The following GALK2 variants were observed in gnomAD, a reference collection of about 807,000 sequenced individuals.
GALK2 encodes the protein N-acetylgalactosamine kinase.
GALK2 carries 36 observed loss-of-function variants against 52.4 expected under a neutral mutation model. The observed-to-expected ratio is 0.69, with a 90% confidence interval of 0.53 to 0.91. GALK2 has a LOEUF of 0.91. Ranked by LOEUF, GALK2 falls within the 40% of genes least tolerant of loss-of-function variation. The pLI is 0.00. For missense variants in GALK2, 579 were observed against 559.1 expected, an observed-to-expected ratio of 1.04 and a Z score of -0.36; for synonymous variants, 176 against 199.1, an observed-to-expected ratio of 0.88 and a Z score of 0.98.
intron 1 of GALK2, among the ~76,000 whole-genome samples, chr15:49,189,412 G>A (rs1345991773): frequency 6.6e-6 from 1 of 152,070 alleles, no homozygotes; most frequent in Non-Finnish European, 1.5e-5. Context: ...TACGTTGGTG[G>A]ATACATCCCA....
upstream of GALK2, among the ~76,000 whole-genome samples, chr15:49,168,380 A>G (rs2084891979): frequency 6.6e-6 from 1 of 152,076 alleles, no homozygotes; most frequent in Non-Finnish European, 1.5e-5. Context: ...AAAATTTGTT[A>G]TTTTTCAACT....
Position 49,287,911 on chromosome 15 carries a change from C to A in GALK2, c.756+4193C>A, listed in dbSNP as rs142395349. Reference sequence around the variant, plus strand: ...TGTTTTGCATTAATGCTAGCAATTTCTTCTATTCTCAACTTCTTTCTCATC... The same window carrying A: ...TGTTTTGCATTAATGCTAGCAATTTATTCTATTCTCAACTTCTTTCTCATC... On this transcript the variant is annotated intron_variant, in intron 7 of 9. Transcript: ENST00000560031. 3.3e-4 allele frequency among the ~76,000 whole-genome samples: 50 copies of A among 151,876 alleles called. 1 individual carries two copies. In the East Asian group the frequency reaches 9.1e-3, roughly 28 times the overall value.
intron 1 of GALK2, among the ~76,000 whole-genome samples, chr15:49,163,662 T>C (rs1201527910): frequency 6.6e-6 from 1 of 152,258 alleles, no homozygotes; most frequent in African/African-American, 2.4e-5. Flanking sequence ...TTTGATCCTT[T>C]TAAAATATAT....
rs529165349 is a variant in GALK2, at chr15:49,354,582, G to A, written c.427-12909G>A. Among the ~76,000 whole-genome samples the A allele has an allele frequency of 2.0e-5, 3 of 152,320 alleles. No individual in the cohort carries two copies. The South Asian group carries it at 6.2e-4, about 32-fold the overall frequency. ...ACCACGAGATTATATCCCGCACCTG[G>A]CTGGAAGGGTCCTACGCCCACGGAG... On this transcript the variant is annotated intron_variant, in intron 3 of 3. Transcript: ENST00000558399.
upstream of GALK2, among the ~76,000 whole-genome samples, chr15:49,168,179 C>G (rs2084884372): frequency 6.6e-6 from 1 of 152,200 alleles, no homozygotes; most frequent in South Asian, 2.1e-4. Context: ...TTTGTTGAGA[C>G]TGCAATAGCA....
intron 1 of GALK2, among the ~76,000 whole-genome samples, chr15:49,192,025 A>G (rs1358140654): frequency 1.3e-5 from 2 of 151,842 alleles, no homozygotes; most frequent in African/African-American, 4.8e-5. Context: ...CAATTGTTTC[A>G]GGGTCAGATT....
chr15:49,307,885 G>A (rs1253920595), intron 8 of GALK2, among the ~76,000 whole-genome samples: 1 of 152,094 alleles, frequency 6.6e-6, no homozygotes. Flanking sequence ...TCATCAGCGA[G>A]TTTGCTTTTA....
intron 5 of GALK2, among the ~76,000 whole-genome samples, chr15:49,248,871 A>C (rs16962196): frequency 0.06 from 9,178 of 152,178 alleles, 555 homozygotes; most frequent in African/African-American, 0.15. Flanking sequence ...AGGGAACAGC[A>C]GATTTGAGGA....
Position 49,289,337 on chromosome 15 carries a change from A to G in GALK2, c.757-2990A>G, listed in dbSNP as rs532266700. Among the ~76,000 whole-genome samples the G allele has an allele frequency of 5.9e-5, 9 of 152,288 alleles. No individual in the cohort carries two copies. In the East Asian group the frequency reaches 1.7e-3, roughly 29 times the overall value. Reference sequence around the variant, plus strand: ...GCTTCAAGGTGCAATGGTTGGTGAAAAGCATAGTGCTGCCATTGATAGGTT... The same window carrying G: ...GCTTCAAGGTGCAATGGTTGGTGAAGAGCATAGTGCTGCCATTGATAGGTT... On this transcript the variant is annotated intron_variant, in intron 7 of 9. Coordinates refer to ENST00000560031, the MANE Select transcript of GALK2 (RefSeq NM_002044.4).
At chr15:49,306,924 C>T (rs1428089626) in intron 8 of GALK2, among the ~76,000 whole-genome samples, 2 of 152,130 alleles carry the variant, frequency 1.3e-5, no homozygotes, top group Non-Finnish European at 2.9e-5. Flanking sequence ...TATTGAGAAC[C>T]TGCCATATTC....
chr15:49,361,156 C>A (rs2044158315), intron 3 of GALK2, among the ~76,000 whole-genome samples: 1 of 152,052 alleles, frequency 6.6e-6, no homozygotes, highest in African/African-American at 2.4e-5. Flanking sequence ...CATAACATCA[C>A]TTTTTACCCC....
At chr15:49,360,424 T>C (rs888370328) in intron 3 of GALK2, among the ~76,000 whole-genome samples, 1 of 152,112 alleles carries the variant, frequency 6.6e-6, no homozygotes, top group African/African-American at 2.4e-5. Context: ...ACGAGACCCA[T>C]ACAGACTACA....
intron 3 of GALK2, among the ~76,000 whole-genome samples, chr15:49,354,718 C>T (rs889604742): frequency 6.6e-6 from 1 of 152,158 alleles, no homozygotes; most frequent in Non-Finnish European, 1.5e-5. Context: ...TCGGGAAGCT[C>T]GAACTGGGTG....
At chr15:49,283,345 T>C (rs1034568419) in intron 6 of GALK2, among the ~76,000 whole-genome samples, 12 of 152,230 alleles carry the variant, frequency 7.9e-5, no homozygotes, top group African/African-American at 2.2e-4. Context: ...TCTACTAGAC[T>C]GTCTTTCCCA....
chr15:49,270,239 A>G (rs1165870659), intron 5 of GALK2, among the ~76,000 whole-genome samples: 1 of 152,152 alleles, frequency 6.6e-6, no homozygotes, highest in African/African-American at 2.4e-5. Context: ...AAACATACCA[A>G]CTCTTAATTA....
chr15:49,175,434 C>T (rs896186386), intron 1 of GALK2, among the ~76,000 whole-genome samples: 2 of 152,106 alleles, frequency 1.3e-5, no homozygotes, highest in Non-Finnish European at 2.9e-5. Flanking sequence ...TGTTACACCT[C>T]GACCTGTAAC....
chr15:49,361,703 G>A (rs954804109), intron 3 of GALK2, among the ~76,000 whole-genome samples: 2 of 152,054 alleles, frequency 1.3e-5, no homozygotes, highest in African/African-American at 4.8e-5. Flanking sequence ...GTTGCAATGA[G>A]CATACGCGTG....
intron 2 of GALK2, among the ~76,000 whole-genome samples, chr15:49,211,041 ATTTTTCAAACTTGTTCAC>A (rs969343898): frequency 2.6e-5 from 4 of 151,162 alleles, no homozygotes; most frequent in African/African-American, 9.7e-5. Flanking sequence ...CTGGGCTTCA[ATTTTTCAAACTTGTTCAC>A]TCTGCTTCCC....
chr15:49,348,856 T>C (rs2041884628), intron 3 of GALK2, among the ~76,000 whole-genome samples: 1 of 152,238 alleles, frequency 6.6e-6, no homozygotes, highest in South Asian at 2.1e-4. Context: ...AAAATGAAGT[T>C]TTCTTCTCTT....
Sources: allele counts gnomAD v4.1 joint callset (sites outside exome capture counted in the v4.1 genomes callset), GRCh38; gene constraint gnomAD v4.1.1; transcripts MANE v1.5; gene names NCBI Gene and HGNC (gene_info 2026-07-23, HGNC 2026-07-21).